Variants in RAPGEF6 observed in about 807,000 individuals in gnomAD.
RAPGEF6 encodes the protein PDZ domain containing guanine nucleotide exchange factor (GEF) 2.
RAPGEF6 carries 56 observed loss-of-function variants against 171.4 expected under a neutral mutation model. That is an observed-to-expected ratio of 0.33 (90% confidence interval 0.26 to 0.41). The LOEUF (loss-of-function observed/expected upper bound fraction) is 0.41. Among genes scored for constraint, RAPGEF6 ranks in the 10% least tolerant of loss-of-function variants. The pLI is 1.00. For missense variants in RAPGEF6, 1,674 were observed against 1,921.4 expected, an observed-to-expected ratio of 0.87 and a Z score of 2.41; for synonymous variants, 692 against 650.1, an observed-to-expected ratio of 1.06 and a Z score of -0.98.
At chr5:131,547,353 T>G (rs1760616031) in intron 6 of RAPGEF6, among the ~76,000 whole-genome samples, 1 of 152,186 alleles carries the variant, frequency 6.6e-6, no homozygotes, top group Non-Finnish European at 1.5e-5. Flanking sequence ...TTTAATATTC[T>G]AGAAATCGTG....
At chr5:131,633,334 CA>C (rs916807616) in intron 1 of RAPGEF6, among the ~76,000 whole-genome samples, 2 of 149,726 alleles carry the variant, frequency 1.3e-5, no homozygotes, top group Middle Eastern at 3.7e-3. Context: ...GACTTTGTCT[CA>C]AAAAAAATAA....
In RAPGEF6 at chr5:131,505,409, C is replaced by T; in HGVS notation, c.1056G>A (p.Lys352=). ...TCCTGACAATTCCATGCATGTACTG[C>T]TTATCCAGAGTGGGAGTAATTCCAA... ...NSFGITPTLD[K]QYMHGIVRTK... is the part of the protein sequence containing the mutation. Residue 352 remains lysine, a synonymous_variant, in exon 10 of 28, where the codon AAG becomes AAA. Transcript: ENST00000509018. 2 of 1,613,658 alleles carry T rather than the reference C, an allele frequency of 1.2e-6. No individual in the cohort carries two copies. The highest frequency in any genetic ancestry group is 1.7e-6 in the Non-Finnish European group (2 of 1,179,738).
At chr5:131,566,208 T>C in intron 4 of RAPGEF6, among the ~76,000 whole-genome samples, 1 of 151,608 alleles carries the variant, frequency 6.6e-6, no homozygotes, top group South Asian at 2.1e-4. Context: ...AACTAAAATA[T>C]AATAATAAAA....
chr5:131,548,293 T>G, intron 5 of RAPGEF6, 103 bp from the exon 6 acceptor site: 1 of 1,151,468 alleles, frequency 8.7e-7, no homozygotes, highest in Non-Finnish European at 1.2e-6. Context: ...ATTTACTTCT[T>G]ACAAGAAACT....
At chr5:131,607,553 T>C (rs1201180287) in intron 1 of RAPGEF6, among the ~76,000 whole-genome samples, 2 of 152,232 alleles carry the variant, frequency 1.3e-5, no homozygotes, top group Non-Finnish European at 2.9e-5. Context: ...CTCTTAACTC[T>C]TCCGCTCTCT....
chr5:131,528,845 GA>G, intron 6 of RAPGEF6, among the ~76,000 whole-genome samples: 1 of 152,148 alleles, frequency 6.6e-6, no homozygotes, highest in Non-Finnish European at 1.5e-5. Flanking sequence ...GGACTTTGAA[GA>G]AAGTCTGTCA....
chr5:131,591,158 T>C (rs1201118718), intron 4 of RAPGEF6, among the ~76,000 whole-genome samples: 1 of 152,218 alleles, frequency 6.6e-6, no homozygotes, highest in Non-Finnish European at 1.5e-5. Context: ...TATCCTGATA[T>C]TTATGTTAAA....
intron 22 of RAPGEF6, among the ~76,000 whole-genome samples, chr5:131,446,088 T>C (rs531487390): frequency 6.6e-6 from 1 of 152,292 alleles, no homozygotes; most frequent in Non-Finnish European, 1.5e-5. Flanking sequence ...AAGCTACCTA[T>C]TATCACTGGT....
chr5:131,593,047 A>C (rs1763682150), intron 3 of RAPGEF6, among the ~76,000 whole-genome samples: 1 of 152,224 alleles, frequency 6.6e-6, no homozygotes, highest in Admixed American at 6.5e-5. Context: ...CAGAAGATTA[A>C]AACAGACAAT....
intron 5 of RAPGEF6, among the ~76,000 whole-genome samples, chr5:131,561,434 G>T (rs1038018251): frequency 6.6e-6 from 1 of 152,084 alleles, no homozygotes; most frequent in African/African-American, 2.4e-5. Flanking sequence ...AAGGCAGATG[G>T]ATCACCTGAG....
At chr5:131,601,701 C>T (rs147117926) in intron 3 of RAPGEF6, among the ~76,000 whole-genome samples, 1 of 152,154 alleles carries the variant, frequency 6.6e-6, no homozygotes, top group African/African-American at 2.4e-5. Flanking sequence ...ACATGTAGAG[C>T]AACTGGAACT....
At chr5:131,631,528 ATCACTATCACT>A (rs1406023423) in intron 1 of RAPGEF6, among the ~76,000 whole-genome samples, 1 of 152,186 alleles carries the variant, frequency 6.6e-6, no homozygotes, top group Non-Finnish European at 1.5e-5. Context: ...TTCCATTACT[ATCACTATCACT>A]TTAGTCAGAG....
chr5:131,611,971 A>G (rs575877169), intron 1 of RAPGEF6, among the ~76,000 whole-genome samples: 1 of 152,138 alleles, frequency 6.6e-6, no homozygotes, highest in Non-Finnish European at 1.5e-5. Flanking sequence ...TGGTTCGACA[A>G]GATTTCCTGA....
chr5:131,622,729 A>C (rs981943802), intron 1 of RAPGEF6, among the ~76,000 whole-genome samples: 1 of 152,150 alleles, frequency 6.6e-6, no homozygotes, highest in Non-Finnish European at 1.5e-5. Flanking sequence ...CTTCTATCCA[A>C]CTGGATTTAC....
chr5:131,585,015 CAG>C (rs1280978541), intron 4 of RAPGEF6, among the ~76,000 whole-genome samples: 2 of 152,060 alleles, frequency 1.3e-5, no homozygotes, highest in African/African-American at 4.8e-5. Context: ...AAAGAAAAAA[CAG>C]AAAGCAATGG....
intron 4 of RAPGEF6, among the ~76,000 whole-genome samples, chr5:131,580,970 TC>T (rs1762926088): frequency 6.6e-6 from 1 of 152,124 alleles, no homozygotes; most frequent in African/African-American, 2.4e-5. Context: ...ATCCCAGTAA[TC>T]CCTTTACTTG....
At chr5:131,619,156 A>C (rs917371305) in intron 1 of RAPGEF6, among the ~76,000 whole-genome samples, 2 of 152,122 alleles carry the variant, frequency 1.3e-5, no homozygotes, top group African/African-American at 4.8e-5. Flanking sequence ...GAGGTGTGAG[A>C]TGGCCAGGTA....
At chr5:131,554,905 G>A (rs1170731653) in intron 5 of RAPGEF6, among the ~76,000 whole-genome samples, 1 of 150,486 alleles carries the variant, frequency 6.6e-6, no homozygotes, top group Non-Finnish European at 1.5e-5. Flanking sequence ...AGGAGAGGAA[G>A]GAAAAAAGAA....
At chr5:131,606,029 C>CAAAAAAAA (rs1168486376) in intron 1 of RAPGEF6, among the ~76,000 whole-genome samples, 14 of 70,544 alleles carry the variant, frequency 2.0e-4, no homozygotes, top group African/African-American at 8.7e-4. Flanking sequence ...GACTCCATCT[C>CAAAAAAAA]AAAAAAAAAA....
Sources: gnomAD v4.1 joint callset for allele counts (sites outside exome capture counted in the v4.1 genomes callset) on GRCh38, gnomAD v4.1.1 for gene constraint, MANE v1.5 for transcripts, NCBI Gene and HGNC (gene_info 2026-07-23, HGNC 2026-07-21) for gene names.